NCOA2: variants seen among roughly 807,000 people sequenced by gnomAD.
The protein encoded by NCOA2 is class E basic helix-loop-helix protein 75.
NCOA2 carries 21 observed loss-of-function variants against 145.1 expected under a neutral mutation model. The observed-to-expected ratio is 0.14, with a 90% CI of 0.10 to 0.21. The LOEUF is 0.21. Among genes scored for constraint, NCOA2 ranks in the 10% least tolerant of loss-of-function variants. NCOA2 has a pLI of 1.00. For missense variants in NCOA2, 1,472 were observed against 1,837.6 expected, an observed-to-expected ratio of 0.80 and a Z score of 3.64; for synonymous variants, 619 against 637.5, an observed-to-expected ratio of 0.97 and a Z score of 0.44.
chr8:70,214,052 C>T lies in NCOA2; in HGVS notation c.110G>A (p.Arg37His), dbSNP rs763937614. Residue 37 changes from arginine (R) to histidine (H), a missense_variant, in exon 4 of 23, where the codon CGT becomes CAT. Arg to His is a conservative substitution (Grantham distance 29). Coordinates refer to ENST00000452400, the MANE Select transcript of NCOA2 (RefSeq NM_006540.4). ...ATATTTATTTTCCTGTTCACGATTA[C>T]GTTTTTCAGTGTTCCTTTTGGGGCT... ...GPSPKRNTEK[R>H]NREQENKYIE... 2.5e-6 allele frequency: 4 copies of T among 1,605,376 alleles called. No homozygotes were observed. Among genetic ancestry groups the T allele is most frequent in the South Asian group, 2.3e-5 (2 of 88,280 alleles).
At chr8:70,377,217 T>C (rs981376820) in intron 1 of NCOA2, among the ~76,000 whole-genome samples, 1 of 152,010 alleles carries the variant, frequency 6.6e-6, no homozygotes, top group Non-Finnish European at 1.5e-5. Context: ...AATTCTTATA[T>C]CATGGATCAT....
At chr8:70,449,531 G>A in the NCOA2 span, among the ~76,000 whole-genome samples, 6 of 152,218 alleles carry the variant, frequency 3.9e-5, no homozygotes, top group Non-Finnish European at 8.8e-5. Flanking sequence ...AAAGGAACAC[G>A]ACCAGGGAGA....
intron 1 of NCOA2, among the ~76,000 whole-genome samples, chr8:70,373,375 G>A (rs1586625756): frequency 6.6e-6 from 1 of 152,162 alleles, no homozygotes; most frequent in East Asian, 1.9e-4. Context: ...TTTTTGTGAA[G>A]CATCTGTCCA....
At chr8:70,266,965 T>C (rs1397062712) in intron 2 of NCOA2, among the ~76,000 whole-genome samples, 1 of 152,232 alleles carries the variant, frequency 6.6e-6, no homozygotes, top group Non-Finnish European at 1.5e-5. Context: ...GGTTCAACAT[T>C]CTCTGGCTAA....
the NCOA2 span, among the ~76,000 whole-genome samples, chr8:70,418,543 A>C: frequency 2.6e-5 from 4 of 152,206 alleles, no homozygotes; most frequent in East Asian, 7.7e-4. Context: ...AGTGGATGCC[A>C]CTGCTAAATC....
the NCOA2 span, among the ~76,000 whole-genome samples, chr8:70,425,315 G>A: frequency 6.6e-6 from 1 of 151,750 alleles, no homozygotes; most frequent in African/African-American, 2.4e-5. Context: ...AATAGTTTTT[G>A]GGGTACAGGT....
At chr8:70,362,523 A>G (rs181336515) in intron 1 of NCOA2, among the ~76,000 whole-genome samples, 45 of 152,324 alleles carry the variant, frequency 3.0e-4, no homozygotes, top group African/African-American at 1.1e-3. Flanking sequence ...CCAAAAAAAG[A>G]TATACAGATG....
intron 1 of NCOA2, among the ~76,000 whole-genome samples, chr8:70,310,196 G>A (rs1828208516): frequency 6.6e-6 from 1 of 151,494 alleles, no homozygotes; most frequent in Non-Finnish European, 1.5e-5. Context: ...ACAAAAATTA[G>A]CTAGGTATGG....
chr8:70,144,670 G>A lies in NCOA2; in HGVS notation c.2784C>T (p.Asn928=), dbSNP rs1295306549. The change falls in exon 13 of 23, where the codon AAC becomes AAT. Residue 928 remains asparagine (N), a synonymous_variant. Transcript: ENST00000452400. ...GMMGNQGMIG[N]QGNLGNSSTG... The stretch of plus-strand genomic sequence containing the variant: ...TGCTACTGTTCCCTAAATTTCCTTG[G>A]TTTCCTATCATCCCTTGATTACCCA... 6 of 1,613,726 alleles carry A rather than the reference G, an allele frequency of 3.7e-6. No individual in the cohort carries two copies. Among genetic ancestry groups the A allele is most frequent in the Middle Eastern group, 1.6e-4 (1 of 6,084 alleles).
chr8:70,287,139 G>T lies in NCOA2; in HGVS notation c.-20+9605C>A, dbSNP rs1563724792. ...TACACCTGTAATCTCAGCTAATCAGGACACTGAGGCAGGAGGATCAATCTA... is the reference window on the plus strand; with the variant it reads ...TACACCTGTAATCTCAGCTAATCAGTACACTGAGGCAGGAGGATCAATCTA... On this transcript the variant is annotated intron_variant, in intron 2 of 22. Transcript: ENST00000452400. Among the ~76,000 whole-genome samples the T allele has an allele frequency of 3.3e-5, 5 of 152,156 alleles. No homozygotes were observed. The South Asian group carries it at 1.0e-3, about 32-fold the overall frequency.
At chr8:70,319,405 G>C (rs1195778532) in intron 1 of NCOA2, among the ~76,000 whole-genome samples, 1 of 151,990 alleles carries the variant, frequency 6.6e-6, no homozygotes, top group Non-Finnish European at 1.5e-5. Context: ...TGCCAGGCAT[G>C]GTGGTGTAGG....
chr8:70,152,528 C>A (rs1415382104), intron 11 of NCOA2, among the ~76,000 whole-genome samples: 1 of 152,140 alleles, frequency 6.6e-6, no homozygotes, highest in Non-Finnish European at 1.5e-5. Flanking sequence ...AGAAGAAATT[C>A]TTTTTAGACT....
intron 4 of NCOA2, among the ~76,000 whole-genome samples, chr8:70,198,288 C>T (rs1817552900): frequency 1.3e-5 from 2 of 152,160 alleles, no homozygotes; most frequent in East Asian, 1.9e-4. Flanking sequence ...ATGATGTATA[C>T]ATTTGATCTA....
intron 15 of NCOA2, among the ~76,000 whole-genome samples, chr8:70,133,255 G>A (rs983765475): frequency 7.0e-6 from 1 of 143,824 alleles, no homozygotes; most frequent in South Asian, 2.3e-4. Flanking sequence ...TGCCCAGGCT[G>A]GAGTGCAGTA....
chr8:70,277,859 T>C (rs1204741471), intron 2 of NCOA2, among the ~76,000 whole-genome samples: 1 of 152,248 alleles, frequency 6.6e-6, no homozygotes, highest in East Asian at 1.9e-4. Flanking sequence ...TTTTCTGTTT[T>C]CTAGACTTTA....
Position 70,113,588 on chromosome 8 carries a change from C to A in NCOA2, c.*44G>T. ...CTCTCCAGACTGGAAGTGTTTTGAG[C>A]AAGTGAGCCCGGTCAGCTGAAGAAG... On this transcript the variant is annotated 3_prime_UTR_variant, in exon 23 of 23. Coordinates refer to ENST00000452400, the MANE Select transcript of NCOA2 (RefSeq NM_006540.4). 1 of 1,549,444 alleles carries A rather than the reference C, an allele frequency of 6.5e-7. No individual in the cohort carries two copies. Among genetic ancestry groups the A allele is most frequent in the Non-Finnish European group, 8.7e-7 (1 of 1,144,956 alleles).
chr8:70,283,926 A>T (rs776645970), intron 2 of NCOA2, among the ~76,000 whole-genome samples: 4 of 152,222 alleles, frequency 2.6e-5, no homozygotes, highest in African/African-American at 4.8e-5. Flanking sequence ...TATTTGTCTA[A>T]TTGAATGATT....
At chr8:70,135,278 T>C (rs964802148) in intron 15 of NCOA2, among the ~76,000 whole-genome samples, 1 of 152,208 alleles carries the variant, frequency 6.6e-6, no homozygotes, top group Non-Finnish European at 1.5e-5. Flanking sequence ...CCTCTCAGCA[T>C]TAAACCACTT....
rs71558579 is a variant in NCOA2, at chr8:70,116,186, T to TAAAA, written c.4384-2547_4384-2544dup. On this transcript the variant is annotated intron_variant, in intron 22 of 22. Coordinates refer to ENST00000452400, the MANE Select transcript of NCOA2 (RefSeq NM_006540.4). ...TGGGCGACAAAGCGAGACTCTGTCT[T>TAAAA]AAAAAAAAAAAAAAAAAAAAAGGAT... Among the ~76,000 whole-genome samples the TAAAA allele has an allele frequency of 2.2e-4, 18 of 80,672 alleles. 1 individual carries two copies. Among genetic ancestry groups the TAAAA allele is most frequent in the East Asian group, 9.5e-4 (2 of 2,100 alleles). 52.9% of individuals were successfully genotyped at this position (80,672 alleles called of 152,430 possible).
Sources: gnomAD v4.1 joint callset for allele counts (sites outside exome capture counted in the v4.1 genomes callset) on GRCh38, gnomAD v4.1.1 for gene constraint, MANE v1.5 for transcripts, NCBI Gene and HGNC (gene_info 2026-07-23, HGNC 2026-07-21) for gene names.